Variants in LRRC28 observed in about 807,000 individuals in gnomAD.
LRRC28 encodes leucine-rich repeat-containing protein 28.
LRRC28 carries 39 observed loss-of-function variants against 45.7 expected under a neutral mutation model. The ratio of observed to expected loss-of-function variants is 0.85; its 90% CI spans 0.66 to 1.12. The LOEUF is 1.12. Ranked by LOEUF, LRRC28 falls within the 50% of genes most tolerant of loss-of-function variation. The pLI, the probability that LRRC28 is intolerant of heterozygous loss-of-function variation, is 0.00. For missense variants in LRRC28, 435 were observed against 438.5 expected (o/e 0.99, Z 0.07); for synonymous variants, 206 against 178.8 (o/e 1.15, Z -1.22).
At chr15:99,374,485 A>G (rs1378093167) in intron 9 of LRRC28, among the ~76,000 whole-genome samples, 1 of 152,114 alleles carries the variant, frequency 6.6e-6, no homozygotes, top group African/African-American at 2.4e-5. Context: ...TAGTTCTAGG[A>G]GTATTTTTTG....
chr15:99,300,177 G>A (rs2082360861), intron 5 of LRRC28, among the ~76,000 whole-genome samples: 1 of 151,492 alleles, frequency 6.6e-6, no homozygotes, highest in East Asian at 1.9e-4. Flanking sequence ...TATATATTTA[G>A]GTTGTAGCAT....
At chr15:99,275,116 T>G (rs555285278) in intron 2 of LRRC28, among the ~76,000 whole-genome samples, 3 of 152,116 alleles carry the variant, frequency 2.0e-5, no homozygotes, top group African/African-American at 2.4e-5. Flanking sequence ...GAGAGAGAGA[T>G]ATTATATGTA....
intron 3 of LRRC28, chr15:99,285,262 C>G: frequency 1.4e-6 from 1 of 734,770 alleles, no homozygotes; most frequent in East Asian, 2.5e-5. Flanking sequence ...CAACAAATAT[C>G]TTTTTCACAG....
In LRRC28 at chr15:99,330,224, G is replaced by GT. The variant is rs1183028093; in HGVS notation, c.386-3698dup. Among the ~76,000 whole-genome samples the GT allele has an allele frequency of 2.0e-5, 3 of 152,130 alleles. No homozygotes were observed. In the East Asian group the frequency reaches 5.8e-4, roughly 29 times the overall value. On this transcript the variant is annotated intron_variant, in intron 5 of 9. Transcript: ENST00000301981. ...ATTTGGCATTATGGTTGTCAGGAGTGTGTCTTTTAGGATTTTGGCCCAAGC... is the reference window on the plus strand; with the variant it reads ...ATTTGGCATTATGGTTGTCAGGAGTGTTGTCTTTTAGGATTTTGGCCCAAGC...
At chr15:99,304,845 A>G (rs1955123584) in intron 5 of LRRC28, among the ~76,000 whole-genome samples, 1 of 152,112 alleles carries the variant, frequency 6.6e-6, no homozygotes, top group Non-Finnish European at 1.5e-5. Flanking sequence ...TCACGACCCT[A>G]TTCAGTATAA....
chr15:99,293,716 G>C (rs899023253), intron 5 of LRRC28, among the ~76,000 whole-genome samples: 1 of 143,862 alleles, frequency 7.0e-6, no homozygotes, highest in Admixed American at 7.2e-5. Flanking sequence ...TTGCTGTGTT[G>C]CCCAAGCTGA....
chr15:99,299,856 A>AG, intron 5 of LRRC28, among the ~76,000 whole-genome samples: 1 of 152,330 alleles, frequency 6.6e-6, no homozygotes, highest in East Asian at 1.9e-4. Context: ...TGTAGGTAGT[A>AG]GGAAAACATT....
chr15:99,351,688 G>A (rs1468641679), intron 6 of LRRC28, among the ~76,000 whole-genome samples: 3 of 152,174 alleles, frequency 2.0e-5, no homozygotes, highest in African/African-American at 7.2e-5. Context: ...CCCATGGGAG[G>A]TGAGACACAG....
At chr15:99,316,808 A>G (rs1955611491) in intron 5 of LRRC28, among the ~76,000 whole-genome samples, 1 of 151,958 alleles carries the variant, frequency 6.6e-6, no homozygotes, top group Non-Finnish European at 1.5e-5. Flanking sequence ...CCTGGCGGAT[A>G]CAAGCTTGGA....
chr15:99,258,660 A>T, intron 2 of LRRC28: 1 of 736,762 alleles, frequency 1.4e-6, no homozygotes, highest in African/African-American at 1.7e-5. Context: ...GAGACCATCC[A>T]AGAAGTAGAA....
chr15:99,259,824 A>T, intron 2 of LRRC28: 1 of 866,120 alleles, frequency 1.2e-6, no homozygotes. Flanking sequence ...ACACTAAAGC[A>T]TATGGAGATA....
chr15:99,345,048 G>T (rs559302548), intron 6 of LRRC28, among the ~76,000 whole-genome samples: 1 of 152,318 alleles, frequency 6.6e-6, no homozygotes, highest in African/African-American at 2.4e-5. Context: ...ATTGGAGAAG[G>T]TTATGTGCCA....
intron 9 of LRRC28, among the ~76,000 whole-genome samples, chr15:99,364,881 T>A (rs1957299701): frequency 1.3e-5 from 2 of 152,234 alleles, no homozygotes; most frequent in African/African-American, 4.8e-5. Flanking sequence ...TTTTGCTGTG[T>A]TTTTAGCAAA....
At chr15:99,258,644 A>G (rs2081099696) in intron 2 of LRRC28, 3 of 754,956 alleles carry the variant, frequency 4.0e-6, no homozygotes, top group East Asian at 2.8e-5. Flanking sequence ...TCAAACCAAT[A>G]TGGCAGAGAC....
chr15:99,260,589 C>A (rs1348595112), intron 2 of LRRC28, among the ~76,000 whole-genome samples: 1 of 152,194 alleles, frequency 6.6e-6, no homozygotes, highest in Non-Finnish European at 1.5e-5. Context: ...ATCCAAAGCC[C>A]ACCCATTGCC....
At chr15:99,366,821 A>G (rs1204377817) in intron 9 of LRRC28, among the ~76,000 whole-genome samples, 1 of 152,178 alleles carries the variant, frequency 6.6e-6, no homozygotes, top group African/African-American at 2.4e-5. Context: ...GGACTAAAGC[A>G]CAGGAATTTT....
At chr15:99,351,615 C>T (rs1011977438) in intron 6 of LRRC28, among the ~76,000 whole-genome samples, 2 of 152,174 alleles carry the variant, frequency 1.3e-5, no homozygotes, top group African/African-American at 2.4e-5. Flanking sequence ...CCTACATCTG[C>T]CTGGATCTTC....
At chr15:99,359,748 CTG>C (rs1957146427) in intron 7 of LRRC28, among the ~76,000 whole-genome samples, 1 of 152,166 alleles carries the variant, frequency 6.6e-6, no homozygotes, top group Non-Finnish European at 1.5e-5. Context: ...AATTAATAAA[CTG>C]TGGTTCATCC....
chr15:99,277,698 G>T (rs2081655784), intron 3 of LRRC28, among the ~76,000 whole-genome samples: 1 of 151,994 alleles, frequency 6.6e-6, no homozygotes. Context: ...TCAAGTTTTT[G>T]CTTTCATCCT....
Sources: gnomAD v4.1 joint callset for allele counts (sites outside exome capture counted in the v4.1 genomes callset) on GRCh38, gnomAD v4.1.1 for gene constraint, MANE v1.5 for transcripts, NCBI Gene and HGNC (gene_info 2026-07-23, HGNC 2026-07-21) for gene names.